ADIPOR2: variants seen among roughly 807,000 people sequenced by gnomAD.
ADIPOR2 encodes adiponectin receptor protein 2.
ADIPOR2 carries 18 observed loss-of-function variants against 40.9 expected under a neutral mutation model. The ratio of observed to expected loss-of-function variants is 0.44; its 90% CI spans 0.30 to 0.65. ADIPOR2 has a LOEUF of 0.65. ADIPOR2 is among the 30% of genes least tolerant of loss of function. The pLI, the probability that ADIPOR2 is intolerant of heterozygous loss-of-function variation, is 0.09. For synonymous variants in ADIPOR2, 165 were observed against 166.4 expected (o/e 0.99, Z 0.06); for missense variants, 283 against 479.2 (o/e 0.59, Z 3.82).
At chr12:1,778,239 T>A in intron 4 of ADIPOR2, 2 of 482,702 alleles carry the variant, frequency 4.1e-6, no homozygotes, top group Non-Finnish European at 6.8e-6. Flanking sequence ...TTCTTTCTAC[T>A]AGATTTTCAG....
At chr12:1,765,598 C>T (rs1862359655) in intron 2 of ADIPOR2, among the ~76,000 whole-genome samples, 1 of 152,190 alleles carries the variant, frequency 6.6e-6, no homozygotes, top group African/African-American at 2.4e-5. Flanking sequence ...TAGTACTTGA[C>T]TACTCCATAA....
At chr12:1,782,984 T>TTC (rs1565660258) in intron 6 of ADIPOR2, among the ~76,000 whole-genome samples, 16 of 44,794 alleles carry the variant, frequency 3.6e-4, no homozygotes, top group African/African-American at 1.3e-3. Context: ...TTCTTTTTTT[T>TTC]TTTTTTTTTT....
chr12:1,731,259 T>G (rs2154442553), intron 1 of ADIPOR2, among the ~76,000 whole-genome samples: 1 of 152,274 alleles, frequency 6.6e-6, no homozygotes, highest in East Asian at 1.9e-4. Flanking sequence ...TTATGTTGTC[T>G]AGGCTGGTCT....
At chr12:1,726,787 T>C (rs1003087660) in intron 1 of ADIPOR2, among the ~76,000 whole-genome samples, 1 of 152,200 alleles carries the variant, frequency 6.6e-6, no homozygotes, top group African/African-American at 2.4e-5. Flanking sequence ...AATTTGTGTT[T>C]CCTAGTGCCA....
At chr12:1,783,601 G>A (rs116766894) in intron 6 of ADIPOR2, among the ~76,000 whole-genome samples, 1,877 of 152,020 alleles carry the variant, frequency 0.012, 37 homozygotes, top group African/African-American at 0.044. Context: ...GTTTCACCCT[G>A]TTAGCCAGGC....
chr12:1,733,804 G>T (rs1256591097), intron 1 of ADIPOR2, among the ~76,000 whole-genome samples: 2 of 134,126 alleles, frequency 1.5e-5, no homozygotes, highest in Non-Finnish European at 3.0e-5. Context: ...TCCCCTTCCT[G>T]TGTCCATGTG....
intron 1 of ADIPOR2, among the ~76,000 whole-genome samples, chr12:1,728,958 G>GTTTTTTT (rs66842156): frequency 1.8e-5 from 2 of 110,054 alleles, no homozygotes; most frequent in Non-Finnish European, 1.8e-5. Flanking sequence ...GTTCTGGACT[G>GTTTTTTT]TTTTTTTTTT....
At chr12:1,701,877 T>C (rs1403593448) in intron 1 of ADIPOR2, among the ~76,000 whole-genome samples, 1 of 152,172 alleles carries the variant, frequency 6.6e-6, no homozygotes, top group African/African-American at 2.4e-5. Context: ...ATATCAGCAC[T>C]TTGGGAGGCT....
intron 1 of ADIPOR2, among the ~76,000 whole-genome samples, chr12:1,706,066 TCCTACAGAGAGATAA>T (rs1213774051): frequency 6.6e-6 from 1 of 152,212 alleles, no homozygotes; most frequent in African/African-American, 2.4e-5. Flanking sequence ...ATTCACCTTC[TCCTACAGAGAGATAA>T]CATCATGATG....
intron 2 of ADIPOR2, among the ~76,000 whole-genome samples, chr12:1,767,636 C>G (rs181822913): frequency 5.3e-4 from 81 of 152,270 alleles, no homozygotes; most frequent in African/African-American, 1.9e-3. Context: ...CCATAAAAAT[C>G]ACCTGTTGAT....
chr12:1,761,930 T>TA (rs1862278344), intron 2 of ADIPOR2, among the ~76,000 whole-genome samples: 1 of 152,230 alleles, frequency 6.6e-6, no homozygotes, highest in Non-Finnish European at 1.5e-5. Context: ...CCATTGCACT[T>TA]ATGGTACAAT....
chr12:1,715,777 C>T lies in ADIPOR2; in HGVS notation c.-87+24586C>T, dbSNP rs577597031. ...TATCTTACAAGAGGATTGTAAAATGCGCCAGTCAGCGCTCTGTAAAAATGC... is the reference window on the plus strand; with the variant it reads ...TATCTTACAAGAGGATTGTAAAATGTGCCAGTCAGCGCTCTGTAAAAATGC... On this transcript the variant is annotated intron_variant, in intron 1 of 7. Coordinates refer to ENST00000357103, the MANE Select transcript of ADIPOR2 (RefSeq NM_024551.3). Among the ~76,000 whole-genome samples the T allele has an allele frequency of 6.6e-5, 10 of 152,210 alleles. No individual in the cohort carries two copies. The South Asian group carries it at 8.3e-4, about 13-fold the overall frequency.
chr12:1,703,019 T>C (rs2094653617), intron 1 of ADIPOR2: 1 of 152,230 alleles, frequency 6.6e-6, no homozygotes. Flanking sequence ...TTTAAAATGT[T>C]TATTAAAAAC....
intron 1 of ADIPOR2, among the ~76,000 whole-genome samples, chr12:1,721,035 C>T (rs1165462906): frequency 6.6e-6 from 1 of 151,936 alleles, no homozygotes; most frequent in African/African-American, 2.4e-5. Flanking sequence ...TTAAGTTGTC[C>T]TGCCTTTCCA....
chr12:1,693,288 A>AG (rs200319908), intron 1 of ADIPOR2, among the ~76,000 whole-genome samples: 59,774 of 151,946 alleles, frequency 0.39, 13,813 homozygotes, highest in Non-Finnish European at 0.53. Context: ...GGCCTGTAAC[A>AG]CCTTATATTT....
At chr12:1,703,954 C>T (rs1011277849) in intron 1 of ADIPOR2, among the ~76,000 whole-genome samples, 1 of 150,606 alleles carries the variant, frequency 6.6e-6, no homozygotes, top group Admixed American at 6.6e-5. Flanking sequence ...CCTGACTGAT[C>T]CTCCTGCCTC....
rs1862568262 is a variant in ADIPOR2 at position 1,775,344 on chromosome 12, C to T, written c.291+2383C>T. ...GGAATTTGGCTGACTGTATATGACT[C>T]CAGGTTGAGAATGAGGGTGCAGTGT... On this transcript the variant is annotated intron_variant, in intron 3 of 7. Transcript: ENST00000357103. Among the ~76,000 whole-genome samples, 3 of 152,064 alleles carry T rather than the reference C, an allele frequency of 2.0e-5. No homozygotes were observed. In the South Asian group the frequency reaches 6.2e-4, roughly 32 times the overall value.
intron 2 of ADIPOR2, among the ~76,000 whole-genome samples, chr12:1,771,451 G>A (rs919856109): frequency 3.9e-5 from 6 of 152,072 alleles, no homozygotes; most frequent in South Asian, 4.2e-4. Context: ...TGAGGAACAC[G>A]AGTTTAGGAT....
At chr12:1,771,164 A>G (rs1862485946) in intron 2 of ADIPOR2, among the ~76,000 whole-genome samples, 1 of 152,018 alleles carries the variant, frequency 6.6e-6, no homozygotes, top group South Asian at 2.1e-4. Flanking sequence ...ACACACACGC[A>G]TGTGCACACA....
Sources: allele counts gnomAD v4.1 joint callset (sites outside exome capture counted in the v4.1 genomes callset), GRCh38; gene constraint gnomAD v4.1.1; transcripts MANE v1.5; gene names NCBI Gene and HGNC (gene_info 2026-07-23, HGNC 2026-07-21).